Variants in SHQ1 observed in about 807,000 individuals in gnomAD.
SHQ1 encodes the protein SHQ1, H/ACA ribonucleoprotein assembly factor.
Under a neutral mutation model 53.8 loss-of-function variants are expected in SHQ1, and 49 were observed. That is an observed-to-expected ratio of 0.91 (90% CI 0.72 to 1.16). The LOEUF (loss-of-function observed/expected upper bound fraction) is 1.16. Among genes scored for constraint, SHQ1 ranks in the 50% most tolerant of loss-of-function variants. SHQ1 has a pLI of 0.00. For missense variants in SHQ1, 738 were observed against 683.1 expected, an observed-to-expected ratio of 1.08 and a Z score of -0.90; for synonymous variants, 243 against 251.0, an observed-to-expected ratio of 0.97 and a Z score of 0.30.
chr3:72,806,904 A>G (rs1706964613), intron 9 of SHQ1, among the ~76,000 whole-genome samples: 1 of 152,128 alleles, frequency 6.6e-6, no homozygotes, highest in African/African-American at 2.4e-5. Flanking sequence ...TATGTTACTG[A>G]TGGACATCTT....
intron 10 of SHQ1, among the ~76,000 whole-genome samples, chr3:72,775,580 C>T (rs1252010235): frequency 6.6e-6 from 1 of 150,472 alleles, no homozygotes; most frequent in Non-Finnish European, 1.5e-5. Flanking sequence ...CAGGAAAGGA[C>T]AGTACAATAA....
chr3:72,748,616 G>C (rs1705299846), downstream of SHQ1, among the ~76,000 whole-genome samples: 1 of 152,086 alleles, frequency 6.6e-6, no homozygotes, highest in East Asian at 1.9e-4. Context: ...GCTTCAGCCT[G>C]GAAGGCAGAT....
At chr3:72,767,498 TC>T (rs1365565728) in intron 10 of SHQ1, among the ~76,000 whole-genome samples, 4 of 152,220 alleles carry the variant, frequency 2.6e-5, no homozygotes, top group Admixed American at 2.6e-4. Flanking sequence ...AAATTAAGTC[TC>T]CTAGAATAGT....
chr3:72,787,708 TCTCCCC>T (rs1433078034), intron 10 of SHQ1, among the ~76,000 whole-genome samples: 4 of 151,988 alleles, frequency 2.6e-5, no homozygotes, highest in East Asian at 1.9e-4. Flanking sequence ...GGGCTCTCCC[TCTCCCC>T]CTCCCCCTCC....
the SHQ1 span, among the ~76,000 whole-genome samples, chr3:72,739,650 A>G: frequency 1.3e-5 from 2 of 151,916 alleles, no homozygotes; most frequent in African/African-American, 4.8e-5. Context: ...TCCTCTGAAA[A>G]TCAGAGGCAC....
chr3:72,802,921 A>G lies in SHQ1; in HGVS notation c.1060+9750T>C, dbSNP rs76666007. On this transcript the variant is annotated intron_variant, in intron 9 of 10. Transcript: ENST00000325599. ...CACTTTTTTAAAAAAGCTTTCTGGT[A>G]TTAACTACATTAGACAATGCGGGAC... is the stretch of plus-strand genomic sequence containing the variant. Among the ~76,000 whole-genome samples, 779 of 152,292 alleles carry G rather than the reference A, an allele frequency of 5.1e-3. 10 individuals carry two copies. Among genetic ancestry groups the G allele is most frequent in the African/African-American group, 0.018 (749 of 41,560 alleles).
At chr3:72,842,219 A>G in intron 3 of SHQ1, 61 bp downstream of exon 3, 1 of 1,577,582 alleles carries the variant, frequency 6.3e-7, no homozygotes, top group Non-Finnish European at 8.7e-7. Flanking sequence ...TCCCCTACAA[A>G]TACACAGCAT....
rs185177441 is a variant in SHQ1 at position 72,758,965 on chromosome 3, C to T, written c.1182-8129G>A. 5.6e-4 allele frequency among the ~76,000 whole-genome samples: 85 copies of T among 152,320 alleles called. 1 individual carries two copies. The highest frequency in any genetic ancestry group is 6.0e-4 in the Non-Finnish European group (41 of 68,032). Reference sequence around the variant, plus strand: ...GCCCTTCTCTTAGCTTTTGGTGTTGCTGGCAATCCTTGGAGTTCCTTGGCT... The same window carrying T: ...GCCCTTCTCTTAGCTTTTGGTGTTGTTGGCAATCCTTGGAGTTCCTTGGCT... On this transcript the variant is annotated intron_variant, in intron 10 of 10. Coordinates refer to ENST00000325599, the MANE Select transcript of SHQ1 (RefSeq NM_018130.3).
At chr3:72,787,464 C>T (rs1706268622) in intron 10 of SHQ1, among the ~76,000 whole-genome samples, 1 of 152,006 alleles carries the variant, frequency 6.6e-6, no homozygotes, top group Admixed American at 6.6e-5. Context: ...TTCTTGATCC[C>T]TTGTCATTTC....
At chr3:72,734,538 G>A in the SHQ1 span, among the ~76,000 whole-genome samples, 3 of 151,624 alleles carry the variant, frequency 2.0e-5, no homozygotes, top group South Asian at 2.1e-4. Flanking sequence ...TTGCAGGCGT[G>A]AGCCACTGAG....
At chr3:72,735,622 A>C in the SHQ1 span, among the ~76,000 whole-genome samples, 1 of 144,634 alleles carries the variant, frequency 6.9e-6, no homozygotes, top group East Asian at 2.0e-4. Flanking sequence ...CCAAGGTTCC[A>C]AAGTACCTGG....
chr3:72,763,584 A>G (rs563862006), intron 10 of SHQ1, among the ~76,000 whole-genome samples: 1 of 152,348 alleles, frequency 6.6e-6, no homozygotes, highest in African/African-American at 2.4e-5. Flanking sequence ...GATGTAATCA[A>G]GATTAGGTCA....
In SHQ1 at chr3:72,848,351, G is replaced by C; in HGVS notation, c.-11C>G. 2 of 1,613,414 alleles carry C rather than the reference G, an allele frequency of 1.2e-6. No individual in the cohort carries two copies. Among genetic ancestry groups the C allele is most frequent in the Non-Finnish European group, 1.7e-6 (2 of 1,179,678 alleles). The stretch of plus-strand genomic sequence containing the variant: ...CGCCGGGGTCAGCATCGCCGCACCG[G>C]ACGCAAGGGCCGGCGCCGCTCGCTC... On this transcript the variant is annotated 5_prime_UTR_variant, in exon 1 of 11. Coordinates refer to ENST00000325599, the MANE Select transcript of SHQ1 (RefSeq NM_018130.3).
intron 9 of SHQ1, among the ~76,000 whole-genome samples, chr3:72,802,753 A>C (rs977913200): frequency 6.6e-6 from 1 of 152,008 alleles, no homozygotes; most frequent in Non-Finnish European, 1.5e-5. Context: ...CCCTCCTCCC[A>C]CTACTAACAA....
the SHQ1 span, among the ~76,000 whole-genome samples, chr3:72,732,849 G>A: frequency 4.6e-5 from 7 of 151,462 alleles, 1 homozygote; most frequent in East Asian, 3.9e-4. Flanking sequence ...CGGAAGAACC[G>A]CCCCCACTGA....
chr3:72,741,588 T>TA, the SHQ1 span, among the ~76,000 whole-genome samples: 31 of 143,858 alleles, frequency 2.2e-4, no homozygotes, highest in African/African-American at 3.3e-4. Flanking sequence ...CTGTCTCAAA[T>TA]AAAAAAAAAA....
intron 10 of SHQ1, among the ~76,000 whole-genome samples, chr3:72,786,202 C>T (rs1160394339): frequency 6.6e-6 from 1 of 152,170 alleles, no homozygotes; most frequent in Non-Finnish European, 1.5e-5. Context: ...GCTATTTTTC[C>T]TGGATTACCC....
intron 10 of SHQ1, 143 bp downstream of exon 10, chr3:72,792,773 A>C: frequency 1.1e-5 from 8 of 705,616 alleles, no homozygotes; most frequent in Non-Finnish European, 1.3e-5. Flanking sequence ...GACAAGGGCA[A>C]ACCTCCATCT....
At chr3:72,806,657 A>C (rs1706956357) in intron 9 of SHQ1, among the ~76,000 whole-genome samples, 1 of 152,210 alleles carries the variant, frequency 6.6e-6, no homozygotes, top group African/African-American at 2.4e-5. Context: ...TCGATTTTCC[A>C]TCATCTAATT....
Sources: allele counts gnomAD v4.1 joint callset (sites outside exome capture counted in the v4.1 genomes callset), GRCh38; gene constraint gnomAD v4.1.1; transcripts MANE v1.5; gene names NCBI Gene and HGNC (gene_info 2026-07-23, HGNC 2026-07-21).